The following PIP4K2C variants were observed in gnomAD, a reference collection of about 807,000 sequenced individuals.
PIP4K2C encodes the protein phosphatidylinositol 5-phosphate 4-kinase type-2 gamma.
A neutral mutation model predicts 45.0 loss-of-function variants in PIP4K2C; 21 were observed. The ratio of observed to expected loss-of-function variants is 0.47; its 90% CI spans 0.33 to 0.67. The LOEUF is 0.67. PIP4K2C is among the 30% of genes least tolerant of loss of function. The pLI is 0.02. For synonymous variants in PIP4K2C, 201 were observed against 204.8 expected (o/e 0.98, Z 0.16); for missense variants, 456 against 542.8 (o/e 0.84, Z 1.59).
At chr12:57,592,986 G>A (rs923065478) in intron 1 of PIP4K2C, among the ~76,000 whole-genome samples, 125 of 151,368 alleles carry the variant, frequency 8.3e-4, no homozygotes, top group Non-Finnish European at 3.2e-4. Context: ...TGCAGTGTGT[G>A]TGATTTAGGT....
intron 4 of PIP4K2C, among the ~76,000 whole-genome samples, chr12:57,596,370 A>G (rs896776894): frequency 6.6e-6 from 1 of 152,124 alleles, no homozygotes; most frequent in African/African-American, 2.4e-5. Context: ...CTGTAATCCC[A>G]GCTGCTCAGG....
At chr12:57,596,503 T>A (rs188383359) in intron 4 of PIP4K2C, among the ~76,000 whole-genome samples, 6 of 143,670 alleles carry the variant, frequency 4.2e-5, no homozygotes, top group South Asian at 2.2e-4. Context: ...AAAAAAAGAT[T>A]AAAAAAAAAA....
Position 57,601,799 on chromosome 12 carries a change from CTT to C in PIP4K2C, c.*195_*196del, listed in dbSNP as rs1163035475. 1.7e-6 allele frequency: 1 copy of C among 595,916 alleles called. No homozygotes were observed. The highest frequency in any genetic ancestry group is 2.8e-5 in the East Asian group (1 of 35,730). 36.9% of individuals were successfully genotyped at this position (595,916 alleles called of 1,614,324 possible). On this transcript the variant is annotated 3_prime_UTR_variant, in exon 10 of 10. Coordinates refer to ENST00000354947, the MANE Select transcript of PIP4K2C (RefSeq NM_024779.5). ...TCAGAAATACATTGTCCTTTTTCCT[CTT>C]TGCCCATTTTTCTTCCCTCTCTTCC...
chr12:57,598,433 A>C (rs909845228), intron 4 of PIP4K2C, among the ~76,000 whole-genome samples: 15 of 151,172 alleles, frequency 9.9e-5, no homozygotes, highest in Admixed American at 1.3e-4. Flanking sequence ...AGGCAGGAGA[A>C]TTGCTTGAAC....
chr12:57,599,151 G>T lies in PIP4K2C; in HGVS notation c.600G>T (p.Met200Ile). Reference protein sequence around the residue: ...RVSVDNEDSYMLVMRNMFSHR... With the variant: ...RVSVDNEDSYILVMRNMFSHR... Reference sequence around the variant, plus strand: ...GTGTGGACAACGAAGACAGCTACATGCTTGTGATGCGCAATATGTTTAGCC... The same window carrying T: ...GTGTGGACAACGAAGACAGCTACATTCTTGTGATGCGCAATATGTTTAGCC... Residue 200 changes from methionine to isoleucine, a missense_variant, in exon 5 of 10, where the codon ATG (methionine) becomes ATT (isoleucine). Around this residue, in one of 2 missense-constraint regions of PIP4K2C, gnomAD observed 421 missense variants for 473.1 expected, o/e 0.89. Coordinates refer to ENST00000354947, the MANE Select transcript of PIP4K2C (RefSeq NM_024779.5). 1 of 1,614,222 alleles carries T rather than the reference G, an allele frequency of 6.2e-7. No homozygotes were observed.
chr12:57,601,488 G>C (rs757660825), intron 9 of PIP4K2C, 38 bp from the exon 10 acceptor site: 1 of 1,580,804 alleles, frequency 6.3e-7, no homozygotes. Context: ...ACGGGTGCTA[G>C]GGTGGCCTGA....
In PIP4K2C at chr12:57,591,198, G is replaced by C. The variant is rs1882929319; in HGVS notation, c.-92G>C. 4 of 1,313,900 alleles carry C rather than the reference G, an allele frequency of 3.0e-6. No homozygotes were observed. The highest frequency in any genetic ancestry group is 4.1e-6 in the Non-Finnish European group (4 of 966,432). The allele number at this position is 1,313,900 out of a possible 1,614,324, so 81.4% of individuals were successfully genotyped here. A position where few individuals can be genotyped will look rare whatever the true frequency, so the allele number is the denominator to read the frequency against. The stretch of plus-strand genomic sequence containing the variant: ...CGTCCGCTGTCCGGCCTCCGGTCAC[G>C]TGACAGCAGCGCAGGTGAGCGCCGC... On this transcript the variant is annotated 5_prime_UTR_variant, in exon 1 of 10. Transcript: ENST00000354947.
At chr12:57,591,701 C>T (rs1882968002) in intron 1 of PIP4K2C, among the ~76,000 whole-genome samples, 1 of 152,192 alleles carries the variant, frequency 6.6e-6, no homozygotes. Context: ...CCGTGAAATC[C>T]AGCTCCCTGT....
chr12:57,599,277 G>C, intron 5 of PIP4K2C, 66 bp downstream of exon 5: 1 of 1,603,730 alleles, frequency 6.2e-7, no homozygotes, highest in Non-Finnish European at 8.5e-7. Context: ...GAAGACCCTG[G>C]GAGGTCTTTG....
intron 1 of PIP4K2C, among the ~76,000 whole-genome samples, chr12:57,593,166 T>C (rs1163096898): frequency 1.3e-5 from 2 of 152,058 alleles, no homozygotes; most frequent in Non-Finnish European, 1.5e-5. Context: ...GAGCTCACAA[T>C]CTAGATGGGA....
chr12:57,599,570 TAAAA>T, intron 6 of PIP4K2C, 132 bp downstream of exon 6: 4 of 1,030,784 alleles, frequency 3.9e-6, no homozygotes, highest in South Asian at 1.4e-5. Flanking sequence ...TTAAACCACT[TAAAA>T]GAAGGGGGTA....
chr12:57,597,024 A>G (rs1028797015), intron 4 of PIP4K2C, among the ~76,000 whole-genome samples: 2 of 152,250 alleles, frequency 1.3e-5, no homozygotes, highest in African/African-American at 4.8e-5. Flanking sequence ...TTGGTGTTAG[A>G]AAACAGCAAG....
At chr12:57,598,405 C>CAGCT (rs1355917399) in intron 4 of PIP4K2C, among the ~76,000 whole-genome samples, 4 of 151,806 alleles carry the variant, frequency 2.6e-5, no homozygotes, top group Non-Finnish European at 5.9e-5. Context: ...CCTGTACTCC[C>CAGCT]AGCTACTCGG....
At position 57,594,051 on chromosome 12, in the gene PIP4K2C, C is replaced by T; in HGVS notation, c.201C>T (p.Pro67=). The T allele has an allele frequency of 6.2e-7, 1 of 1,614,040 alleles. No individual in the cohort carries two copies. Among genetic ancestry groups the T allele is most frequent in the South Asian group, 1.1e-5 (1 of 91,060 alleles). Residue 67 remains proline, a synonymous_variant, in exon 2 of 10, where the codon CCC becomes CCT. Coordinates refer to ENST00000354947, the MANE Select transcript of PIP4K2C (RefSeq NM_024779.5). ...HSINELSQVP[P]PVMLLPDDFK... ...TCAATGAGCTCAGCCAGGTGCCTCC[C>T]CCGGTGATGCTGCTGCCAGATGACT...
intron 3 of PIP4K2C, 61 bp downstream of exon 3, chr12:57,595,283 T>C: frequency 1.9e-6 from 2 of 1,054,946 alleles, no homozygotes; most frequent in Non-Finnish European, 1.5e-6. Context: ...GAGTACTATT[T>C]GGGACAGCCA....
intron 4 of PIP4K2C, chr12:57,598,207 A>G (rs1424848437): frequency 1.3e-5 from 2 of 152,180 alleles, no homozygotes; most frequent in Non-Finnish European, 1.5e-5. Context: ...CTGGCTTAAC[A>G]GGAGAATTTT....
chr12:57,594,340 G>T (rs1004986181), intron 2 of PIP4K2C, among the ~76,000 whole-genome samples: 30 of 152,252 alleles, frequency 2.0e-4, no homozygotes, highest in African/African-American at 7.2e-4. Context: ...GAGTAAATAT[G>T]TACAGATACC....
rs1291419136 is a variant in PIP4K2C at position 57,594,117 on chromosome 12, C to G, written c.267C>G (p.Phe89Leu). The G allele has an allele frequency of 6.2e-7, 1 of 1,612,340 alleles. No homozygotes were observed. The highest frequency in any genetic ancestry group is 1.3e-5 in the African/African-American group (1 of 74,850). The change falls in exon 2 of 10, where the codon TTC becomes TTG. Residue 89 changes from phenylalanine to leucine, a missense_variant. By Grantham distance (22) the Phe-to-Leu change is conservative. Transcript: ENST00000354947. ...SSKIKVNNHL[F>L]HRENLPSHFK... ...AGATCAAGGTCAACAATCACCTTTT[C>G]CACAGGTAAGTGATGATCCTTGCCA...
rs970049492 is a variant in PIP4K2C, at chr12:57,595,991, A to G, written c.473A>G (p.Asp158Gly). The change falls in exon 4 of 10, where the codon GAC (aspartate) becomes GGC (glycine). Residue 158 changes from aspartate (D) to glycine (G), a missense_variant. Physicochemically the swap from Asp to Gly is moderately conservative, Grantham distance 94. This residue lies in a region of PIP4K2C where 421 missense variants were observed against 473.1 expected (regional missense o/e 0.89). Coordinates refer to ENST00000354947, the MANE Select transcript of PIP4K2C (RefSeq NM_024779.5). The stretch of plus-strand genomic sequence containing the variant: ...GTCATCAAAGAAGTATCCAGTGAGG[A>G]CATTGCTGACATGCATAGCAACCTC... The part of the protein sequence containing the change: ...TLVIKEVSSE[D>G]IADMHSNLSN... 6.2e-7 allele frequency: 1 copy of G among 1,613,928 alleles called. No individual in the cohort carries two copies. Among genetic ancestry groups the G allele is most frequent in the African/African-American group, 1.3e-5 (1 of 75,028 alleles).
Sources: allele counts gnomAD v4.1 joint callset (sites outside exome capture counted in the v4.1 genomes callset), GRCh38; gene constraint gnomAD v4.1.1; regional missense constraint gnomAD v4.1.1; transcripts MANE v1.5; gene names NCBI Gene and HGNC (gene_info 2026-07-23, HGNC 2026-07-21).